The following C16orf78 variants were observed in gnomAD, a reference collection of about 807,000 sequenced individuals.
The protein encoded by C16orf78 is uncharacterized protein C16orf78.
Under a neutral mutation model 27.3 loss-of-function variants are expected in C16orf78, and 19 were observed. The observed-to-expected ratio is 0.70, with a 90% confidence interval of 0.49 to 1.02. The LOEUF is 1.02. Ranked by LOEUF, C16orf78 falls within the 50% of genes least tolerant of loss-of-function variation. C16orf78 has a pLI of 0.00. For synonymous variants in C16orf78, 130 were observed against 116.1 expected (o/e 1.12, Z -0.77); for missense variants, 339 against 337.0 (o/e 1.01, Z -0.05).
At chr16:49,390,031 G>A (rs1422826242) in intron 3 of C16orf78, among the ~76,000 whole-genome samples, 1 of 152,172 alleles carries the variant, frequency 6.6e-6, no homozygotes, top group Non-Finnish European at 1.5e-5. Flanking sequence ...GCTGAGTGTA[G>A]AATTTTAGAT....
intron 3 of C16orf78, among the ~76,000 whole-genome samples, chr16:49,383,998 T>C (rs1965316687): frequency 6.6e-6 from 1 of 151,888 alleles, no homozygotes; most frequent in African/African-American, 2.4e-5. Context: ...CTAAATGAAA[T>C]AGGAAAACAA....
intron 3 of C16orf78, among the ~76,000 whole-genome samples, chr16:49,390,521 T>C (rs1965399569): frequency 6.6e-6 from 1 of 152,216 alleles, no homozygotes. Flanking sequence ...TCCAATATAA[T>C]TTTTATTTCA....
At chr16:49,389,189 G>T (rs1278980050) in intron 3 of C16orf78, among the ~76,000 whole-genome samples, 3 of 152,110 alleles carry the variant, frequency 2.0e-5, no homozygotes, top group Non-Finnish European at 4.4e-5. Flanking sequence ...TTGGGAGACG[G>T]AGGTGGGTGG....
intron 3 of C16orf78, among the ~76,000 whole-genome samples, chr16:49,394,441 C>T (rs759668823): frequency 3.4e-4 from 51 of 150,964 alleles, no homozygotes; most frequent in Middle Eastern, 6.9e-3. Flanking sequence ...ATTACATCAA[C>T]ATATTAAAGG....
chr16:49,378,216 G>A lies in C16orf78; in HGVS notation c.271-254G>A, dbSNP rs112003373. On this transcript the variant is annotated intron_variant, in intron 2 of 4. Coordinates refer to ENST00000299191, the MANE Select transcript of C16orf78 (RefSeq NM_144602.4). Reference sequence around the variant, plus strand: ...GAACCACCCAGACCTAATGGCCTCCGAGGGCCTGTGTTTCCAAGGCCCCCA... The same window carrying A: ...GAACCACCCAGACCTAATGGCCTCCAAGGGCCTGTGTTTCCAAGGCCCCCA... 7.3e-4 allele frequency among the ~76,000 whole-genome samples: 111 copies of A among 152,236 alleles called. 2 individuals carry two copies. Among genetic ancestry groups the A allele is most frequent in the African/African-American group, 2.4e-3 (100 of 41,550 alleles).
At chr16:49,390,620 A>G (rs1255644973) in intron 3 of C16orf78, among the ~76,000 whole-genome samples, 1 of 152,248 alleles carries the variant, frequency 6.6e-6, no homozygotes, top group Non-Finnish European at 1.5e-5. Context: ...CTTGGAGGGC[A>G]TAACAAGAGT....
chr16:49,386,928 G>A (rs978182283), intron 3 of C16orf78, among the ~76,000 whole-genome samples: 11 of 152,136 alleles, frequency 7.2e-5, no homozygotes, highest in Non-Finnish European at 1.5e-4. Flanking sequence ...TGTCTTTATG[G>A]TAAAATGATT....
intron 3 of C16orf78, among the ~76,000 whole-genome samples, chr16:49,382,896 C>A (rs1041061538): frequency 1.3e-5 from 2 of 152,194 alleles, no homozygotes; most frequent in African/African-American, 4.8e-5. Flanking sequence ...GTTTCACACT[C>A]AAAGTAGTCT....
In C16orf78 at chr16:49,377,829, G is replaced by A; in HGVS notation, c.249G>A (p.Arg83=). The A allele has an allele frequency of 2.5e-6, 4 of 1,580,642 alleles. No individual in the cohort carries two copies. The highest frequency in any genetic ancestry group is 2.3e-5 in the South Asian group (2 of 86,314). The change falls in exon 2 of 5, where the codon AGG becomes AGA. Residue 83 remains arginine, a synonymous_variant. Transcript: ENST00000299191. The part of the protein sequence containing the change: ...GLMTARGGNR[R]DTETSQQALG... Reference sequence around the variant, plus strand: ...TGACAGCACGGGGAGGGAACCGCAGGGACACGGAGACTTCCCAGCAGGTAA... The same window carrying A: ...TGACAGCACGGGGAGGGAACCGCAGAGACACGGAGACTTCCCAGCAGGTAA...
chr16:49,381,281 C>T (rs1298746843), intron 3 of C16orf78, among the ~76,000 whole-genome samples: 2 of 152,138 alleles, frequency 1.3e-5, no homozygotes, highest in Non-Finnish European at 2.9e-5. Context: ...AATGTTCTTC[C>T]ATTTGTTTGT....
intron 4 of C16orf78, among the ~76,000 whole-genome samples, chr16:49,397,497 T>A (rs533616639): frequency 6.6e-6 from 1 of 152,308 alleles, no homozygotes; most frequent in East Asian, 1.9e-4. Context: ...AATAGAATGG[T>A]TAACTGGCTT....
chr16:49,375,747 T>C (rs1162223336), intron 1 of C16orf78, among the ~76,000 whole-genome samples: 3 of 152,166 alleles, frequency 2.0e-5, no homozygotes, highest in African/African-American at 7.2e-5. Context: ...AAACATATTT[T>C]ACTCTAAGGT....
At chr16:49,399,029 G>A in intron 4 of C16orf78, 102 bp from the exon 5 acceptor site, 1 of 1,298,294 alleles carries the variant, frequency 7.7e-7, no homozygotes, top group Non-Finnish European at 1.1e-6. Context: ...CCCTTGCAGA[G>A]CACCCACACT....
intron 3 of C16orf78, among the ~76,000 whole-genome samples, chr16:49,394,506 G>C (rs1965448345): frequency 1.3e-5 from 2 of 151,126 alleles, no homozygotes; most frequent in African/African-American, 2.4e-5. Flanking sequence ...ATAGAATCAA[G>C]CAATTATCAC....
chr16:49,374,454 G>GA (rs1290182336), intron 1 of C16orf78, among the ~76,000 whole-genome samples: 1 of 152,156 alleles, frequency 6.6e-6, no homozygotes, highest in Non-Finnish European at 1.5e-5. Context: ...AAGGGGCAGA[G>GA]AAAAAATTTA....
chr16:49,387,302 TGTC>T (rs1001001851), intron 3 of C16orf78, among the ~76,000 whole-genome samples: 4 of 151,840 alleles, frequency 2.6e-5, no homozygotes, highest in Non-Finnish European at 4.4e-5. Flanking sequence ...TTGTTGTTGT[TGTC>T]GTTTCTTTCT....
At chr16:49,391,960 A>G (rs974084725) in intron 3 of C16orf78, among the ~76,000 whole-genome samples, 1 of 152,162 alleles carries the variant, frequency 6.6e-6, no homozygotes, top group Non-Finnish European at 1.5e-5. Flanking sequence ...AGGACCAGCT[A>G]CCATGCCAGA....
chr16:49,397,254 G>A (rs1278710268), intron 4 of C16orf78, among the ~76,000 whole-genome samples: 1 of 152,176 alleles, frequency 6.6e-6, no homozygotes, highest in Non-Finnish European at 1.5e-5. Context: ...CAAAAAACAA[G>A]CATCCCTCTC....
chr16:49,388,726 C>A (rs1372464757), intron 3 of C16orf78, among the ~76,000 whole-genome samples: 2 of 152,126 alleles, frequency 1.3e-5, no homozygotes, highest in African/African-American at 2.4e-5. Context: ...GTTATCCAGG[C>A]TGGTCTTAAA....
Sources: gnomAD v4.1 joint callset for allele counts (sites outside exome capture counted in the v4.1 genomes callset) on GRCh38, gnomAD v4.1.1 for gene constraint, MANE v1.5 for transcripts, NCBI Gene and HGNC (gene_info 2026-07-23, HGNC 2026-07-21) for gene names.